SPRYD4: variants seen among roughly 807,000 people sequenced by gnomAD.
SPRYD4 encodes the protein SPRY domain-containing protein 4.
Under a neutral mutation model 16.6 loss-of-function variants are expected in SPRYD4, and 12 were observed. That is an observed-to-expected ratio of 0.72 (90% CI 0.46 to 1.17). The LOEUF (loss-of-function observed/expected upper bound fraction) is 1.17, where lower values mean the gene tolerates loss of function less well. Ranked by LOEUF, SPRYD4 falls within the 50% of genes most tolerant of loss-of-function variation. The pLI is 0.00. For missense variants in SPRYD4, 260 were observed against 260.2 expected, an observed-to-expected ratio of 1.00 and a Z score of 0.00; for synonymous variants, 98 against 105.4, an observed-to-expected ratio of 0.93 and a Z score of 0.43.
At position 56,473,681 on chromosome 12, in the gene SPRYD4, A is replaced by G. The variant is rs550354369; in HGVS notation, c.*4104A>G. On this transcript the variant is annotated 3_prime_UTR_variant, in exon 2 of 2. Transcript: ENST00000338146. ...GTTAGGCTGTACTCTTAACAAGTTT[A>G]CAAATGACTGCATGACCACAATCCA... 2 of 1,484,330 alleles carry G rather than the reference A, an allele frequency of 1.3e-6. No individual in the cohort carries two copies. The highest frequency in any genetic ancestry group is 2.8e-5 in the South Asian group (2 of 70,372). 91.9% of individuals were successfully genotyped at this position (1,484,330 alleles called of 1,614,324 possible).
In SPRYD4 at chr12:56,469,686, GTT is replaced by G; in HGVS notation, c.*110_*111del. ...CAACCTCTAGCTCCCACAATTCAGT[GTT>G]GGGTCCTCTGTGCAATATCATGATC... On this transcript the variant is annotated 3_prime_UTR_variant, in exon 2 of 2. Coordinates refer to ENST00000338146, the MANE Select transcript of SPRYD4 (RefSeq NM_207344.4). 1 of 1,085,222 alleles carries G rather than the reference GTT, an allele frequency of 9.2e-7. No individual in the cohort carries two copies. Among genetic ancestry groups the G allele is most frequent in the Non-Finnish European group, 1.3e-6 (1 of 773,026 alleles). 67.2% of individuals were successfully genotyped at this position (1,085,222 alleles called of 1,614,324 possible). A position where few individuals can be genotyped will look rare whatever the true frequency, so the allele number is the denominator to read the frequency against.
At position 56,470,550 on chromosome 12, in the gene SPRYD4, C is replaced by T. The variant is rs1263179689; in HGVS notation, c.*973C>T. On this transcript the variant is annotated 3_prime_UTR_variant, in exon 2 of 2. Transcript: ENST00000338146. ...ATATTGGCCAGGCTGGTCTCGAACT[C>T]CTGGCCTCATGTGATCAGCCCACCT... The T allele has an allele frequency of 6.6e-6, 1 of 152,238 alleles. No homozygotes were observed. The highest frequency in any genetic ancestry group is 1.5e-5 in the Non-Finnish European group (1 of 68,088). 9.4% of individuals were successfully genotyped at this position (152,238 alleles called of 1,614,324 possible).
Position 56,471,449 on chromosome 12 carries a change from A to G in SPRYD4, c.*1872A>G. The G allele has an allele frequency of 6.3e-7, 1 of 1,580,486 alleles. No homozygotes were observed. Among genetic ancestry groups the G allele is most frequent in the Non-Finnish European group, 8.6e-7 (1 of 1,163,606 alleles). On this transcript the variant is annotated 3_prime_UTR_variant, in exon 2 of 2. Transcript: ENST00000338146. ...TATGGATTACATGTGTGGCCAGCTC[A>G]TGCTTTTTCTTGAGCAGGGGCTGTC... is the stretch of plus-strand genomic sequence containing the variant.
chr12:56,472,881 TA>T lies in SPRYD4; in HGVS notation c.*3305del. 1 of 660,848 alleles carries T rather than the reference TA, an allele frequency of 1.5e-6. No individual in the cohort carries two copies. Among genetic ancestry groups the T allele is most frequent in the Non-Finnish European group, 2.5e-6 (1 of 397,570 alleles). 40.9% of individuals were successfully genotyped at this position (660,848 alleles called of 1,614,324 possible). On this transcript the variant is annotated 3_prime_UTR_variant, in exon 2 of 2. Transcript: ENST00000338146. ...TGTTATGGAATGTGCTACTCTGAAATATTCTTTTTTTTTTTTTTTTTTTTGA... is the reference window on the plus strand; with the variant it reads ...TGTTATGGAATGTGCTACTCTGAAATTTCTTTTTTTTTTTTTTTTTTTTGA...
rs779303058 is a variant in SPRYD4, at chr12:56,472,774, A to G, written c.*3197A>G. The G allele has an allele frequency of 6.2e-7, 1 of 1,611,356 alleles. No individual in the cohort carries two copies. The highest frequency in any genetic ancestry group is 8.5e-7 in the Non-Finnish European group (1 of 1,177,844). On this transcript the variant is annotated 3_prime_UTR_variant, in exon 2 of 2. Coordinates refer to ENST00000338146, the MANE Select transcript of SPRYD4 (RefSeq NM_207344.4). Reference sequence around the variant, plus strand: ...GTTCTGGAACACAAATCATACCCACATGACATTAATTGAACTCACCTATGC... The same window carrying G: ...GTTCTGGAACACAAATCATACCCACGTGACATTAATTGAACTCACCTATGC...
In SPRYD4 at chr12:56,475,860, G is replaced by A; in HGVS notation, c.*6283G>A. 1.4e-6 allele frequency: 2 copies of A among 1,478,428 alleles called. No individual in the cohort carries two copies. The highest frequency in any genetic ancestry group is 1.9e-6 in the Non-Finnish European group (2 of 1,057,398). The allele number at this position is 1,478,428 out of a possible 1,614,324, so 91.6% of individuals were successfully genotyped here. A position where few individuals can be genotyped will look rare whatever the true frequency, so the allele number is the denominator to read the frequency against. ...AGTATGGGCTGGTGCACCTGGTAGT[G>A]GGGTTAGAGAGCCACTGGGGCAGCT... On this transcript the variant is annotated 3_prime_UTR_variant, in exon 2 of 2. Coordinates refer to ENST00000338146, the MANE Select transcript of SPRYD4 (RefSeq NM_207344.4).
rs1027022998 is a variant in SPRYD4, at chr12:56,477,867, G to A, written c.*8290G>A. On this transcript the variant is annotated 3_prime_UTR_variant, in exon 2 of 2. Transcript: ENST00000338146. ...AGGGCAGAGAAACAAAAAAGGCTGG[G>A]AGATGGGGTGGGGATAAGGAGAAGG... 2.6e-6 allele frequency: 4 copies of A among 1,565,302 alleles called. No homozygotes were observed. The African/African-American group carries it at 4.1e-5, about 16-fold the overall frequency.
chr12:56,473,926 T>C lies in SPRYD4; in HGVS notation c.*4349T>C, dbSNP rs1255447378. The C allele has an allele frequency of 1.8e-5, 4 of 217,066 alleles. No individual in the cohort carries two copies. The highest frequency in any genetic ancestry group is 1.6e-4 in the Admixed American group (3 of 19,146). The allele number at this position is 217,066 out of a possible 1,614,324, so 13.4% of individuals were successfully genotyped here. A position where few individuals can be genotyped will look rare whatever the true frequency, so the allele number is the denominator to read the frequency against. On this transcript the variant is annotated 3_prime_UTR_variant, in exon 2 of 2. Coordinates refer to ENST00000338146, the MANE Select transcript of SPRYD4 (RefSeq NM_207344.4). ...TGTTTAAAGTAATTGTGATAAATAG[T>C]GAGAAGTAGGGTGCTGTAAATAGAG...
Position 56,473,520 on chromosome 12 carries a change from G to GCA in SPRYD4, c.*3946_*3947dup. The GCA allele has an allele frequency of 2.5e-6, 4 of 1,613,806 alleles. No homozygotes were observed. Among genetic ancestry groups the GCA allele is most frequent in the Non-Finnish European group, 3.4e-6 (4 of 1,180,002 alleles). ...CCAGCTTGTCCAATGGGGGTGACAG[G>GCA]CACATCATTCCCATGACATTGGGTA... On this transcript the variant is annotated 3_prime_UTR_variant, in exon 2 of 2. Transcript: ENST00000338146.
Position 56,473,700 on chromosome 12 carries a change from CA to C in SPRYD4, c.*4125del. The C allele has an allele frequency of 7.3e-7, 1 of 1,368,174 alleles. No homozygotes were observed. Among genetic ancestry groups the C allele is most frequent in the Admixed American group, 2.7e-5 (1 of 37,376 alleles). 84.8% of individuals were successfully genotyped at this position (1,368,174 alleles called of 1,614,324 possible). A position where few individuals can be genotyped will look rare whatever the true frequency, so the allele number is the denominator to read the frequency against. On this transcript the variant is annotated 3_prime_UTR_variant, in exon 2 of 2. Transcript: ENST00000338146. ...AAGTTTACAAATGACTGCATGACCA[CA>C]ATCCACCTCAACCTTTTGGCTTGTT...
chr12:56,479,274 T>G lies in SPRYD4; in HGVS notation c.*9697T>G. 1 of 1,513,680 alleles carries G rather than the reference T, an allele frequency of 6.6e-7. No individual in the cohort carries two copies. The highest frequency in any genetic ancestry group is 8.9e-7 in the Non-Finnish European group (1 of 1,128,766). The allele number at this position is 1,513,680 out of a possible 1,614,324, so 93.8% of individuals were successfully genotyped here. ...GAAATTGGGAATAAAGAAGGTTGAG[T>G]GGTCTTCAGGTTTGGGATCAACAGC... On this transcript the variant is annotated 3_prime_UTR_variant, in exon 2 of 2. Coordinates refer to ENST00000338146, the MANE Select transcript of SPRYD4 (RefSeq NM_207344.4).
Position 56,473,306 on chromosome 12 carries a change from G to A in SPRYD4, c.*3729G>A, listed in dbSNP as rs558149390. The A allele has an allele frequency of 6.4e-5, 104 of 1,614,196 alleles. 1 individual carries two copies. The highest frequency in any genetic ancestry group is 5.6e-4 in the East Asian group (25 of 44,892). The stretch of plus-strand genomic sequence containing the variant: ...GGTTGTCATAGTTGTGGAAATTGAA[G>A]AGAGACACCAACTTCTAGAATTGTA... On this transcript the variant is annotated 3_prime_UTR_variant, in exon 2 of 2. Coordinates refer to ENST00000338146, the MANE Select transcript of SPRYD4 (RefSeq NM_207344.4).
chr12:56,471,587 T>A lies in SPRYD4; in HGVS notation c.*2010T>A. 6.2e-7 allele frequency: 1 copy of A among 1,614,082 alleles called. No homozygotes were observed. The highest frequency in any genetic ancestry group is 8.5e-7 in the Non-Finnish European group (1 of 1,180,016). ...GGAGTCCTGGTAATCTTGAAGCAGT[T>A]TGACCACCTCCAGATGGTTGAACTG... On this transcript the variant is annotated 3_prime_UTR_variant, in exon 2 of 2. Coordinates refer to ENST00000338146, the MANE Select transcript of SPRYD4 (RefSeq NM_207344.4).
Position 56,475,579 on chromosome 12 carries a change from C to G in SPRYD4, c.*6002C>G, listed in dbSNP as rs1224883762. The stretch of plus-strand genomic sequence containing the variant: ...CTTGTCCCCATCCTAAGTACACACA[C>G]ATACACCACAATGCTTTCAGTCAGT... On this transcript the variant is annotated 3_prime_UTR_variant, in exon 2 of 2. Transcript: ENST00000338146. The G allele has an allele frequency of 6.3e-7, 1 of 1,587,204 alleles. No homozygotes were observed. Among genetic ancestry groups the G allele is most frequent in the East Asian group, 2.2e-5 (1 of 44,752 alleles).
At position 56,471,748 on chromosome 12, in the gene SPRYD4, C is replaced by T. The variant is rs371330171; in HGVS notation, c.*2171C>T. On this transcript the variant is annotated 3_prime_UTR_variant, in exon 2 of 2. Coordinates refer to ENST00000338146, the MANE Select transcript of SPRYD4 (RefSeq NM_207344.4). ...TAGGTGGAGAAGCTGTGCCCACCCT[C>T]CTCCACTTTTAGCCTATTCCTCACC... is the stretch of plus-strand genomic sequence containing the variant. 1.9e-6 allele frequency: 3 copies of T among 1,613,600 alleles called. No homozygotes were observed. Among genetic ancestry groups the T allele is most frequent in the South Asian group, 1.1e-5 (1 of 91,038 alleles).
chr12:56,475,186 G>A lies in SPRYD4; in HGVS notation c.*5609G>A. ...GAGAAGGGGAAAAATTACCTTCCCT[G>A]GAGAGACAGAACTACATCACACCAC... On this transcript the variant is annotated 3_prime_UTR_variant, in exon 2 of 2. Transcript: ENST00000338146. 6.2e-7 allele frequency: 1 copy of A among 1,607,028 alleles called. No individual in the cohort carries two copies. Among genetic ancestry groups the A allele is most frequent in the South Asian group, 1.1e-5 (1 of 91,046 alleles).
Position 56,475,821 on chromosome 12 carries a change from G to T in SPRYD4, c.*6244G>T. ...AGGCCAGCAGATTTCCACATTTCTG[G>T]AAATAAGGCTTCTAGTATGGGCTGG... On this transcript the variant is annotated 3_prime_UTR_variant, in exon 2 of 2. Transcript: ENST00000338146. 1 of 1,415,010 alleles carries T rather than the reference G, an allele frequency of 7.1e-7. No homozygotes were observed. 87.7% of individuals were successfully genotyped at this position (1,415,010 alleles called of 1,614,324 possible). A position where few individuals can be genotyped will look rare whatever the true frequency, so the allele number is the denominator to read the frequency against.
rs1869469534 is a variant in SPRYD4, at chr12:56,473,187, C to T, written c.*3610C>T. On this transcript the variant is annotated 3_prime_UTR_variant, in exon 2 of 2. Transcript: ENST00000338146. ...TACAGGCGTGAGCCACCGCACCTGGCCTTTGAAATATTCTTACAAGCCACC... is the reference window on the plus strand; with the variant it reads ...TACAGGCGTGAGCCACCGCACCTGGTCTTTGAAATATTCTTACAAGCCACC... 6.3e-7 allele frequency: 1 copy of T among 1,584,360 alleles called. No homozygotes were observed. The highest frequency in any genetic ancestry group is 1.1e-5 in the South Asian group (1 of 90,350).
Position 56,479,448 on chromosome 12 carries a change from G to T in SPRYD4, c.*9871G>T. On this transcript the variant is annotated 3_prime_UTR_variant, in exon 2 of 2. Transcript: ENST00000338146. ...GAATAATATGTATGTATGTTACCTT[G>T]ATATTTAAAAAATCCTAAATCATAA... is the stretch of plus-strand genomic sequence containing the variant. 2.5e-6 allele frequency: 1 copy of T among 399,872 alleles called. No homozygotes were observed. The highest frequency in any genetic ancestry group is 4.4e-6 in the Non-Finnish European group (1 of 229,306). 24.8% of individuals were successfully genotyped at this position (399,872 alleles called of 1,614,324 possible). A position where few individuals can be genotyped will look rare whatever the true frequency, so the allele number is the denominator to read the frequency against.
Sources: allele counts gnomAD v4.1 joint callset, GRCh38; gene constraint gnomAD v4.1.1; transcripts MANE v1.5; gene names NCBI Gene and HGNC (gene_info 2026-07-23, HGNC 2026-07-21).